Variants in RBMS3 observed in about 807,000 individuals in gnomAD.
The protein encoded by RBMS3 is RNA binding motif single stranded interacting protein 3.
A neutral mutation model predicts 66.8 loss-of-function variants in RBMS3; 27 were observed. The ratio of observed to expected loss-of-function variants is 0.40; its 90% CI spans 0.30 to 0.56. The LOEUF is 0.56. Among genes scored for constraint, RBMS3 ranks in the 20% least tolerant of loss-of-function variants. RBMS3 has a pLI of 0.40. For synonymous variants in RBMS3, 188 were observed against 183.0 expected (o/e 1.03, Z -0.22); for missense variants, 513 against 549.5 (o/e 0.93, Z 0.66).
intron 4 of RBMS3, among the ~76,000 whole-genome samples, chr3:29,737,485 A>G (rs1176195451): frequency 6.6e-6 from 1 of 152,166 alleles, no homozygotes; most frequent in African/African-American, 2.4e-5. Flanking sequence ...TAGCCCTGTC[A>G]CTAATTATTA....
intron 11 of RBMS3, among the ~76,000 whole-genome samples, chr3:29,940,909 C>T (rs549342594): frequency 1.3e-5 from 2 of 151,946 alleles, no homozygotes; most frequent in East Asian, 3.9e-4. Flanking sequence ...TTATCCATAA[C>T]TTCTTATCAC....
intron 3 of RBMS3, among the ~76,000 whole-genome samples, chr3:29,583,162 C>A (rs1309681666): frequency 6.6e-6 from 1 of 152,102 alleles, no homozygotes; most frequent in Non-Finnish European, 1.5e-5. Flanking sequence ...TCAGAGAACT[C>A]TCAGGGTGTC....
intron 12 of RBMS3, among the ~76,000 whole-genome samples, chr3:29,971,162 T>A (rs1444235631): frequency 6.6e-6 from 1 of 152,098 alleles, no homozygotes; most frequent in Non-Finnish European, 1.5e-5. Flanking sequence ...CCTCCTCTCT[T>A]GGACTCACTT....
At chr3:29,388,379 T>C (rs1483677375) in intron 1 of RBMS3, among the ~76,000 whole-genome samples, 1 of 152,192 alleles carries the variant, frequency 6.6e-6, no homozygotes, top group African/African-American at 2.4e-5. Context: ...CATAAATATT[T>C]GTTGCATGAA....
At chr3:29,473,255 T>C (rs2042811119) in intron 2 of RBMS3, among the ~76,000 whole-genome samples, 1 of 151,576 alleles carries the variant, frequency 6.6e-6, no homozygotes, top group African/African-American at 2.4e-5. Flanking sequence ...TTGGTGTGTT[T>C]ACAAACCTTG....
intron 1 of RBMS3, among the ~76,000 whole-genome samples, chr3:29,424,915 A>G (rs1410679897): frequency 6.6e-6 from 1 of 152,186 alleles, no homozygotes; most frequent in African/African-American, 2.4e-5. Context: ...TTTAGTTGCA[A>G]TAAAGTATTA....
chr3:29,507,626 T>C (rs1241948707), intron 3 of RBMS3, among the ~76,000 whole-genome samples: 1 of 152,140 alleles, frequency 6.6e-6, no homozygotes, highest in Non-Finnish European at 1.5e-5. Context: ...CTCTGCACTG[T>C]GACTTCTTTG....
At chr3:29,876,230 C>G (rs765535538) in intron 7 of RBMS3, among the ~76,000 whole-genome samples, 1 of 152,054 alleles carries the variant, frequency 6.6e-6, no homozygotes, top group South Asian at 2.1e-4. Context: ...GGTTTGAGCC[C>G]ACATCATCAG....
chr3:29,463,169 T>G (rs184231815), intron 2 of RBMS3, among the ~76,000 whole-genome samples: 81 of 152,328 alleles, frequency 5.3e-4, no homozygotes, highest in African/African-American at 1.9e-3. Context: ...AGAGCTTCTA[T>G]TCAGCACAAT....
At chr3:29,785,041 C>CA (rs925729574) in intron 6 of RBMS3, among the ~76,000 whole-genome samples, 2 of 151,666 alleles carry the variant, frequency 1.3e-5, no homozygotes, top group South Asian at 2.1e-4. Flanking sequence ...AAATTGCCAC[C>CA]AAAAAAAGAC....
intron 7 of RBMS3, among the ~76,000 whole-genome samples, chr3:29,871,922 A>C (rs1052614335): frequency 9.2e-5 from 14 of 152,218 alleles, no homozygotes; most frequent in Non-Finnish European, 1.5e-5. Context: ...AAAAAATCTA[A>C]TACAGAAAAC....
chr3:29,980,091 C>T (rs1427907798), intron 12 of RBMS3, among the ~76,000 whole-genome samples: 1 of 152,214 alleles, frequency 6.6e-6, no homozygotes, highest in African/African-American at 2.4e-5. Context: ...TCCTCTCTAG[C>T]ATCTGTTGTT....
At chr3:29,570,523 T>C (rs1472585626) in intron 3 of RBMS3, among the ~76,000 whole-genome samples, 1 of 152,146 alleles carries the variant, frequency 6.6e-6, no homozygotes. Context: ...TCTATCTCCA[T>C]GTGTTCAATT....
At chr3:29,363,627 A>T (rs894558432) in intron 1 of RBMS3, among the ~76,000 whole-genome samples, 4 of 152,090 alleles carry the variant, frequency 2.6e-5, no homozygotes, top group Admixed American at 6.6e-5. Flanking sequence ...CATCTGTACT[A>T]AAAACATAAA....
chr3:29,417,010 G>A (rs1391909819), intron 1 of RBMS3, among the ~76,000 whole-genome samples: 1 of 152,064 alleles, frequency 6.6e-6, no homozygotes, highest in Non-Finnish European at 1.5e-5. Flanking sequence ...TAGAGGACAG[G>A]CAGAATTATC....
At chr3:29,662,945 A>T (rs59231495) in intron 4 of RBMS3, among the ~76,000 whole-genome samples, 5,373 of 152,250 alleles carry the variant, frequency 0.035, 207 homozygotes, top group African/African-American at 0.09. Flanking sequence ...ATATGTGGGG[A>T]TTTTTGGTGT....
chr3:29,293,095 G>C (rs2032955968), intron 1 of RBMS3, among the ~76,000 whole-genome samples: 1 of 151,830 alleles, frequency 6.6e-6, no homozygotes. Flanking sequence ...CTCATCACTA[G>C]TTCTCAAGGG....
chr3:29,940,009 A>G (rs908894125), intron 11 of RBMS3, among the ~76,000 whole-genome samples: 1 of 151,772 alleles, frequency 6.6e-6, no homozygotes, highest in Non-Finnish European at 1.5e-5. Flanking sequence ...TAATGACATG[A>G]CCATTTTCCC....
chr3:30,001,236 C>A (rs1559880688), intron 14 of RBMS3, among the ~76,000 whole-genome samples: 1 of 152,010 alleles, frequency 6.6e-6, no homozygotes, highest in Non-Finnish European at 1.5e-5. Context: ...CATTTTTCCA[C>A]ACTCTGGATC....
Sources: allele counts gnomAD v4.1 joint callset (sites outside exome capture counted in the v4.1 genomes callset), GRCh38; gene constraint gnomAD v4.1.1; transcripts MANE v1.5; gene names NCBI Gene and HGNC (gene_info 2026-07-23, HGNC 2026-07-21).